RBM44: variants seen among roughly 807,000 people sequenced by gnomAD.
The protein encoded by RBM44 is RNA binding motif protein 44.
A neutral mutation model predicts 105.1 loss-of-function variants in RBM44; 66 were observed. That is an observed-to-expected ratio of 0.63 (90% CI 0.52 to 0.77). The LOEUF is 0.77. Among genes scored for constraint, RBM44 ranks in the 30% least tolerant of loss-of-function variants. The pLI, the probability that RBM44 is intolerant of heterozygous loss-of-function variation, is 0.00. For synonymous variants in RBM44, 365 were observed against 417.6 expected (o/e 0.87, Z 1.54); for missense variants, 1,122 against 1,207.8 (o/e 0.93, Z 1.05).
At chr2:237,837,989 T>C (rs1004743786) in intron 15 of RBM44, among the ~76,000 whole-genome samples, 1 of 144,774 alleles carries the variant, frequency 6.9e-6, no homozygotes, top group Non-Finnish European at 1.6e-5. Context: ...AGTCCTTCTC[T>C]GGGTAAAATG....
intron 1 of RBM44, among the ~76,000 whole-genome samples, chr2:237,799,601 C>T (rs1161584748): frequency 4.6e-5 from 7 of 152,162 alleles, no homozygotes; most frequent in African/African-American, 9.7e-5. Context: ...CCACCGCGCC[C>T]GGCCAGGGCC....
intron 15 of RBM44, among the ~76,000 whole-genome samples, chr2:237,840,762 T>C (rs2062004581): frequency 6.6e-6 from 1 of 152,154 alleles, no homozygotes; most frequent in East Asian, 1.9e-4. Context: ...GTGAAGGACA[T>C]GAACAGACAT....
intron 13 of RBM44, among the ~76,000 whole-genome samples, chr2:237,830,360 A>G (rs2150987340): frequency 6.6e-6 from 1 of 152,250 alleles, no homozygotes; most frequent in South Asian, 2.1e-4. Context: ...GTCCTTTACC[A>G]GATAGGTGAT....
chr2:237,809,038 A>T (rs1043860009), intron 1 of RBM44, among the ~76,000 whole-genome samples: 10 of 152,352 alleles, frequency 6.6e-5, no homozygotes, highest in Admixed American at 3.9e-4. Flanking sequence ...AAGAATTTCA[A>T]TTCTCATTAT....
In RBM44 at chr2:237,818,923, C is replaced by T; in HGVS notation, c.1700C>T (p.Ala567Val). The T allele has an allele frequency of 6.7e-7, 1 of 1,482,846 alleles. No individual in the cohort carries two copies. Among genetic ancestry groups the T allele is most frequent in the Non-Finnish European group, 9.2e-7 (1 of 1,090,898 alleles). The allele number at this position is 1,482,846 out of a possible 1,614,324, so 91.9% of individuals were successfully genotyped here. A position where few individuals can be genotyped will look rare whatever the true frequency, so the allele number is the denominator to read the frequency against. ...LNKDFLELRK[A>V]CGITDLKKHP... ...CAGGATTTCCTGGAATTAAGAAAAG[C>T]ATGTGGTATCACAGACCTAAAGAAA... The change falls in exon 4 of 16, where the codon GCA becomes GTA. Residue 567 changes from alanine (A) to valine (V), a missense_variant. By Grantham distance (64) the Ala-to-Val change is moderately conservative. Around this residue, in one of 3 missense-constraint regions of RBM44, gnomAD observed 918 missense variants for 955.3 expected, o/e 0.96. Transcript: ENST00000316997. This position sits in a 1 kb window ranked among gnomAD's most constrained non-coding sequence, Gnocchi z 4.6.
intron 1 of RBM44, among the ~76,000 whole-genome samples, chr2:237,810,184 A>G (rs1344900239): frequency 2.0e-5 from 3 of 152,214 alleles, no homozygotes; most frequent in Non-Finnish European, 4.4e-5. Flanking sequence ...GAACATCTCA[A>G]TTCAGATTAA....
At chr2:237,832,326 T>A (rs1233411596) in intron 13 of RBM44, among the ~76,000 whole-genome samples, 2 of 152,096 alleles carry the variant, frequency 1.3e-5, no homozygotes, top group East Asian at 3.9e-4. Flanking sequence ...CTAATTTTTG[T>A]ATTTTTCTGT....
At chr2:237,813,041 T>C (rs2150973407) in intron 1 of RBM44, among the ~76,000 whole-genome samples, 1 of 152,312 alleles carries the variant, frequency 6.6e-6, no homozygotes, top group South Asian at 2.1e-4. Context: ...AGTAACCTTA[T>C]CAAGTGTCAC....
At position 237,821,270 on chromosome 2, in the gene RBM44, T is replaced by C. The variant is rs767874401; in HGVS notation, c.2097+16T>C. 18 of 1,563,890 alleles carry C rather than the reference T, an allele frequency of 1.2e-5. No homozygotes were observed. Among genetic ancestry groups the C allele is most frequent in the Middle Eastern group, 1.7e-4 (1 of 5,932 alleles). The stretch of plus-strand genomic sequence containing the variant: ...TGCTTCCAGGGTATGTATATATGTT[T>C]TAGAAATAAAAAATTTTACTTCATT... On this transcript the variant is annotated intron_variant, in intron 6 of 15. Coordinates refer to ENST00000316997, the MANE Select transcript of RBM44 (RefSeq NM_001080504.3).
intron 8 of RBM44, 114 bp downstream of exon 8, chr2:237,821,941 T>C: frequency 1.5e-6 from 1 of 676,628 alleles, no homozygotes; most frequent in East Asian, 2.8e-5. Context: ...TGGCTTACTT[T>C]GTGTACTACC....
At chr2:237,805,672 T>C (rs1419068136) in intron 1 of RBM44, among the ~76,000 whole-genome samples, 1 of 152,176 alleles carries the variant, frequency 6.6e-6, no homozygotes, top group African/African-American at 2.4e-5. Context: ...GACTTAAATG[T>C]AAGACCTCGA....
At chr2:237,825,871 A>G (rs1375187961) in intron 10 of RBM44, among the ~76,000 whole-genome samples, 1 of 152,192 alleles carries the variant, frequency 6.6e-6, no homozygotes, top group Non-Finnish European at 1.5e-5. Context: ...TCTCTATAGA[A>G]TACATCATTA....
rs188735777 is a variant in RBM44 at position 237,818,053 on chromosome 2, A to G, written c.1134A>G (p.Gln378=). The part of the protein sequence containing the change: ...ETLLQPCKDC[Q]TSWTSVFDDS... ...TACTCCAACCCTGTAAAGATTGTCAAACTTCCTGGACCTCTGTTTTTGATG... is the reference window on the plus strand; with the variant it reads ...TACTCCAACCCTGTAAAGATTGTCAGACTTCCTGGACCTCTGTTTTTGATG... Residue 378 remains glutamine, a synonymous_variant, in exon 3 of 16, where the codon CAA becomes CAG. Coordinates refer to ENST00000316997, the MANE Select transcript of RBM44 (RefSeq NM_001080504.3). The surrounding 1 kb of genome is among the most constrained non-coding windows in gnomAD (Gnocchi z 4.6). 3.9e-4 allele frequency: 633 copies of G among 1,613,068 alleles called. No individual in the cohort carries two copies. The highest frequency in any genetic ancestry group is 2.5e-3 in the African/African-American group (186 of 74,996).
intron 10 of RBM44, among the ~76,000 whole-genome samples, chr2:237,826,305 G>A (rs1440485149): frequency 1.3e-5 from 2 of 152,100 alleles, no homozygotes; most frequent in African/African-American, 4.8e-5. Context: ...CTAGTAATTT[G>A]AATCTCTATT....
At chr2:237,812,701 G>T (rs1433813615) in intron 1 of RBM44, among the ~76,000 whole-genome samples, 1 of 152,028 alleles carries the variant, frequency 6.6e-6, no homozygotes, top group Non-Finnish European at 1.5e-5. Flanking sequence ...CAGCTTTTAG[G>T]GGTATGGAGA....
At chr2:237,834,485 ATT>A (rs1052226041) in intron 15 of RBM44, 62 bp downstream of exon 15, 3 of 792,166 alleles carry the variant, frequency 3.8e-6, no homozygotes, top group African/African-American at 1.8e-5. Flanking sequence ...TATTGATTTC[ATT>A]TTCTTTTTAC....
intron 13 of RBM44, among the ~76,000 whole-genome samples, chr2:237,831,087 G>A (rs1325471061): frequency 6.6e-6 from 1 of 151,866 alleles, no homozygotes; most frequent in Non-Finnish European, 1.5e-5. Context: ...CATTCCTGGA[G>A]TTATCCCATT....
At chr2:237,840,111 C>G in intron 15 of RBM44, among the ~76,000 whole-genome samples, 1 of 145,042 alleles carries the variant, frequency 6.9e-6, no homozygotes, top group Non-Finnish European at 1.5e-5. Flanking sequence ...TCCCTTGAGC[C>G]TGGGAGGCAG....
intron 1 of RBM44, among the ~76,000 whole-genome samples, chr2:237,801,081 A>T (rs914448054): frequency 1.3e-5 from 2 of 152,084 alleles, no homozygotes; most frequent in African/African-American, 4.8e-5. Flanking sequence ...TATGCCTGTA[A>T]TCCCAACACT....
Sources: allele counts gnomAD v4.1 joint callset (sites outside exome capture counted in the v4.1 genomes callset), GRCh38; gene constraint gnomAD v4.1.1; regional missense constraint gnomAD v4.1.1; non-coding constraint Gnocchi (gnomAD v3.1); transcripts MANE v1.5; gene names NCBI Gene and HGNC (gene_info 2026-07-23, HGNC 2026-07-21).